AAK1: variants seen among roughly 807,000 people sequenced by gnomAD.
The protein encoded by AAK1 is AP2 associated kinase 1, also known as AP2-associated protein kinase 1.
In AAK1, 37 loss-of-function variants were observed where a neutral mutation model predicts 116.0. That is an observed-to-expected ratio of 0.32 (90% CI 0.25 to 0.42). The LOEUF (loss-of-function observed/expected upper bound fraction) is 0.42. Among genes scored for constraint, AAK1 ranks in the 10% least tolerant of loss-of-function variants. The pLI is 1.00. For synonymous variants in AAK1, 458 were observed against 439.9 expected, an observed-to-expected ratio of 1.04 and a Z score of -0.51; for missense variants, 919 against 1,170.6, an observed-to-expected ratio of 0.79 and a Z score of 3.14.
At chr2:69,478,220 A>T (rs758263885) in intron 20 of AAK1, among the ~76,000 whole-genome samples, 2 of 152,248 alleles carry the variant, frequency 1.3e-5, no homozygotes, top group Non-Finnish European at 2.9e-5. Context: ...TTTGAATCAG[A>T]TATGATAAAA....
At chr2:69,527,831 T>C (rs1433014223) in intron 8 of AAK1, among the ~76,000 whole-genome samples, 3 of 152,210 alleles carry the variant, frequency 2.0e-5, no homozygotes, top group Non-Finnish European at 2.9e-5. Flanking sequence ...GACCTATAGA[T>C]CACTTGTCTA....
intron 2 of AAK1, among the ~76,000 whole-genome samples, chr2:69,571,696 G>C (rs543669767): frequency 6.6e-6 from 1 of 152,220 alleles, no homozygotes; most frequent in South Asian, 2.1e-4. Context: ...TTAAGATAAG[G>C]ACTAGATTTA....
chr2:69,566,580 C>G (rs1281873070), intron 2 of AAK1, among the ~76,000 whole-genome samples: 1 of 152,138 alleles, frequency 6.6e-6, no homozygotes, highest in Non-Finnish European at 1.5e-5. Context: ...GAGGCCACAG[C>G]CCAGGCTGAA....
rs1312927559 is a variant in AAK1, at chr2:69,470,550, A to C, written c.*5319T>G. Reference sequence around the variant, plus strand: ...GGCCAATGAGGCAATTAAATGAGTGAGTTTTCTCACTGGGGATAAAATTAT... The same window carrying C: ...GGCCAATGAGGCAATTAAATGAGTGCGTTTTCTCACTGGGGATAAAATTAT... On this transcript the variant is annotated 3_prime_UTR_variant, in exon 22 of 22. Transcript: ENST00000409085. 2 of 985,322 alleles carry C rather than the reference A, an allele frequency of 2.0e-6. No homozygotes were observed. Among genetic ancestry groups the C allele is most frequent in the Non-Finnish European group, 1.2e-6 (1 of 829,936 alleles). 61.0% of individuals were successfully genotyped at this position (985,322 alleles called of 1,614,324 possible).
At position 69,514,170 on chromosome 2, in the gene AAK1, G is replaced by A. The variant is rs188932907; in HGVS notation, c.1776+301C>T. Among the ~76,000 whole-genome samples, 6 of 152,312 alleles carry A rather than the reference G, an allele frequency of 3.9e-5. No individual in the cohort carries two copies. In the East Asian group the frequency reaches 1.2e-3, roughly 29 times the overall value. On this transcript the variant is annotated intron_variant, in intron 13 of 21. Coordinates refer to ENST00000409085, the MANE Select transcript of AAK1 (RefSeq NM_014911.5). ...TTTAATCCTGCCTAGGTCCTTGACT[G>A]TTCAAAGTGACACAGACAGAGATGA...
At chr2:69,523,412 A>C (rs1393299832) in intron 10 of AAK1, among the ~76,000 whole-genome samples, 65 of 152,362 alleles carry the variant, frequency 4.3e-4, no homozygotes, top group African/African-American at 1.5e-3. Context: ...TTAGAGGCAC[A>C]TCTAAAATAA....
chr2:69,613,344 C>G (rs1394236494), intron 2 of AAK1, among the ~76,000 whole-genome samples: 1 of 152,148 alleles, frequency 6.6e-6, no homozygotes, highest in Non-Finnish European at 1.5e-5. Flanking sequence ...ATAGGAGCAT[C>G]TTTTGTTAAT....
chr2:69,468,316 A>G lies in AAK1; in HGVS notation c.*7553T>C. ...TGATACCAAGATGATAATTTCTGGG[A>G]GGAAATTCAAATAAAAGGGAGAAAA... On this transcript the variant is annotated 3_prime_UTR_variant, in exon 22 of 22. Transcript: ENST00000409085. 1 of 985,358 alleles carries G rather than the reference A, an allele frequency of 1.0e-6. No individual in the cohort carries two copies. Among genetic ancestry groups the G allele is most frequent in the East Asian group, 1.1e-4 (1 of 8,814 alleles). The allele number at this position is 985,358 out of a possible 1,614,324, so 61.0% of individuals were successfully genotyped here. A position where few individuals can be genotyped will look rare whatever the true frequency, so the allele number is the denominator to read the frequency against.
chr2:69,609,401 G>GC (rs1362184507), intron 2 of AAK1, among the ~76,000 whole-genome samples: 1 of 151,284 alleles, frequency 6.6e-6, no homozygotes, highest in East Asian at 1.9e-4. Context: ...AAAAATCCAG[G>GC]CCAGGCACGG....
chr2:69,613,196 A>G (rs1352599813), intron 2 of AAK1, among the ~76,000 whole-genome samples: 1 of 152,200 alleles, frequency 6.6e-6, no homozygotes, highest in Non-Finnish European at 1.5e-5. Flanking sequence ...GCCAATGATC[A>G]AGACCCCAGG....
At chr2:69,569,510 A>G (rs1672010033) in intron 2 of AAK1, among the ~76,000 whole-genome samples, 3 of 152,158 alleles carry the variant, frequency 2.0e-5, no homozygotes, top group Admixed American at 2.0e-4. Context: ...ATTTATTTAC[A>G]GTGAAATGTA....
intron 2 of AAK1, among the ~76,000 whole-genome samples, chr2:69,595,475 T>C (rs1198182826): frequency 6.6e-6 from 1 of 152,220 alleles, no homozygotes; most frequent in African/African-American, 2.4e-5. Flanking sequence ...GTGTGCTGGA[T>C]ATAAGAACAA....
chr2:69,526,006 G>A (rs1199509762), intron 9 of AAK1, among the ~76,000 whole-genome samples: 2 of 152,180 alleles, frequency 1.3e-5, no homozygotes, highest in Non-Finnish European at 2.9e-5. Flanking sequence ...CATGTTTCCA[G>A]GTGGGGGGAG....
At chr2:69,534,518 C>T (rs184932521) in intron 5 of AAK1, among the ~76,000 whole-genome samples, 4 of 152,346 alleles carry the variant, frequency 2.6e-5, no homozygotes, top group Admixed American at 6.5e-5. Flanking sequence ...CTGATTTGTT[C>T]GATGTCTCCT....
At chr2:69,609,769 G>T (rs901367028) in intron 2 of AAK1, among the ~76,000 whole-genome samples, 2 of 152,050 alleles carry the variant, frequency 1.3e-5, no homozygotes, top group Admixed American at 6.5e-5. Context: ...ACAAAATTGG[G>T]CCAGGTGCGG....
chr2:69,643,440 G>C, intron 1 of AAK1, 135 bp downstream of exon 1: 4 of 1,190,924 alleles, frequency 3.4e-6, no homozygotes, highest in Non-Finnish European at 4.2e-6. Context: ...CCCAGAACCC[G>C]GGACCCCCGA....
Position 69,520,001 on chromosome 2 carries a change from C to T in AAK1, c.1211-761G>A, listed in dbSNP as rs115609906. ...TCAGCCTCTTTAGTCCTGTCTCTTC[C>T]AGGCATCTTTAACTGTTGATGTATT... On this transcript the variant is annotated intron_variant, in intron 11 of 21. Transcript: ENST00000409085. 6.8e-3 allele frequency: 1,467 copies of T among 217,068 alleles called. 20 individuals are homozygous for T. The highest frequency in any genetic ancestry group is 0.032 in the African/African-American group (1,398 of 43,444). The allele number at this position is 217,068 out of a possible 1,614,324, so 13.4% of individuals were successfully genotyped here. A position where few individuals can be genotyped will look rare whatever the true frequency, so the allele number is the denominator to read the frequency against.
intron 2 of AAK1, among the ~76,000 whole-genome samples, chr2:69,623,856 G>A (rs1452972654): frequency 3.3e-5 from 5 of 151,600 alleles, no homozygotes. Flanking sequence ...CACTATTAAG[G>A]TAAATGACAA....
chr2:69,517,338 T>C (rs1263463629), intron 12 of AAK1, among the ~76,000 whole-genome samples: 2 of 152,148 alleles, frequency 1.3e-5, no homozygotes, highest in Admixed American at 1.3e-4. Flanking sequence ...TGTTAGAATA[T>C]CACTGTGCCA....
Sources: allele counts gnomAD v4.1 joint callset (sites outside exome capture counted in the v4.1 genomes callset), GRCh38; gene constraint gnomAD v4.1.1; transcripts MANE v1.5; gene names NCBI Gene and HGNC (gene_info 2026-07-23, HGNC 2026-07-21).